NEMP2: variants seen among roughly 807,000 people sequenced by gnomAD.
NEMP2 encodes nuclear envelope integral membrane protein 2, also known as UPF0571 transmembrane protein.
A neutral mutation model predicts 54.2 loss-of-function variants in NEMP2; 53 were observed. That is an observed-to-expected ratio of 0.98 (90% CI 0.78 to 1.23). The LOEUF (loss-of-function observed/expected upper bound fraction) is 1.23, where lower values mean the gene tolerates loss of function less well. Ranked by LOEUF, NEMP2 falls within the 50% of genes most tolerant of loss-of-function variation. The probability of loss-of-function intolerance (pLI) is 0.00; values close to 1 mark genes in which losing one functional copy is unlikely to be tolerated. For missense variants in NEMP2, 455 were observed against 511.3 expected, an observed-to-expected ratio of 0.89 and a Z score of 1.06; for synonymous variants, 197 against 190.3, an observed-to-expected ratio of 1.04 and a Z score of -0.29.
the NEMP2 span, among the ~76,000 whole-genome samples, chr2:190,493,952 G>A: frequency 6.6e-6 from 1 of 151,710 alleles, no homozygotes; most frequent in Non-Finnish European, 1.5e-5. Flanking sequence ...ACACCTCAAG[G>A]AACTAGAGAA....
At chr2:190,468,613 T>A in the NEMP2 span, among the ~76,000 whole-genome samples, 1 of 127,568 alleles carries the variant, frequency 7.8e-6, no homozygotes, top group Non-Finnish European at 1.6e-5. Context: ...CCACCAAGCC[T>A]GGCTAATTTT....
chr2:190,534,243 G>C, intron 1 of NEMP2: 1 of 1,104,882 alleles, frequency 9.1e-7, no homozygotes, highest in African/African-American at 1.6e-5. Context: ...GACAAGCTGT[G>C]TGACCCTGGG....
chr2:190,534,856 G>GGGCCCAGGCC, upstream of NEMP2: 1 of 398,448 alleles, frequency 2.5e-6, no homozygotes, highest in Non-Finnish European at 4.3e-6. Context: ...GGGGCACGGC[G>GGGCCCAGGCC]GGCCCAGGCC....
chr2:190,468,996 G>T, the NEMP2 span, among the ~76,000 whole-genome samples: 1 of 152,092 alleles, frequency 6.6e-6, no homozygotes, highest in African/African-American at 2.4e-5. Context: ...AGTTCAGAAC[G>T]AGAGACTGAA....
the NEMP2 span, among the ~76,000 whole-genome samples, chr2:190,570,458 C>T: frequency 7.2e-5 from 11 of 152,194 alleles, no homozygotes; most frequent in African/African-American, 2.7e-4. This position sits in a 1 kb window ranked among gnomAD's most constrained non-coding sequence, Gnocchi z 5.4. Context: ...ATGGTGGCCT[C>T]GTTGTCTTCA....
At chr2:190,434,639 G>A in the NEMP2 span, among the ~76,000 whole-genome samples, 1 of 152,068 alleles carries the variant, frequency 6.6e-6, no homozygotes, top group Non-Finnish European at 1.5e-5. This position sits in a 1 kb window ranked among gnomAD's most constrained non-coding sequence, Gnocchi z 4.3. Flanking sequence ...TCACCATGTT[G>A]GCCAGGATGG....
At chr2:190,588,954 T>G in the NEMP2 span, among the ~76,000 whole-genome samples, 1 of 152,180 alleles carries the variant, frequency 6.6e-6, no homozygotes, top group African/African-American at 2.4e-5. This position sits in a 1 kb window ranked among gnomAD's most constrained non-coding sequence, Gnocchi z 5.0. Context: ...TGATCCCTAC[T>G]ACCAAGTATT....
At chr2:190,638,974 A>C in the NEMP2 span, among the ~76,000 whole-genome samples, 3 of 152,140 alleles carry the variant, frequency 2.0e-5, no homozygotes, top group Non-Finnish European at 2.9e-5. This position sits in a 1 kb window ranked among gnomAD's most constrained non-coding sequence, Gnocchi z 5.7. Context: ...CTGGGTGTGA[A>C]AGCCCAGTGA....
chr2:190,548,672 G>C, the NEMP2 span, among the ~76,000 whole-genome samples: 1 of 152,114 alleles, frequency 6.6e-6, no homozygotes, highest in East Asian at 1.9e-4. Context: ...TTGTGATAGC[G>C]ATCTTTTATG....
the NEMP2 span, among the ~76,000 whole-genome samples, chr2:190,486,894 G>A: frequency 6.6e-6 from 1 of 152,156 alleles, no homozygotes; most frequent in Admixed American, 6.5e-5. Flanking sequence ...CTTAATGAAG[G>A]TTTTAATTCA....
chr2:190,456,169 G>T, the NEMP2 span, among the ~76,000 whole-genome samples: 1 of 151,892 alleles, frequency 6.6e-6, no homozygotes, highest in Non-Finnish European at 1.5e-5. This position sits in a 1 kb window ranked among gnomAD's most constrained non-coding sequence, Gnocchi z 5.4. Context: ...TCAAACTCCT[G>T]ACCTCAGGTG....
At chr2:190,493,517 C>T in the NEMP2 span, among the ~76,000 whole-genome samples, 3 of 152,250 alleles carry the variant, frequency 2.0e-5, no homozygotes, top group Admixed American at 2.0e-4. Flanking sequence ...AAACTATACC[C>T]TGGAACAAAT....
chr2:190,534,328 T>A, intron 1 of NEMP2: 1 of 1,192,694 alleles, frequency 8.4e-7, no homozygotes, highest in South Asian at 4.2e-5. Flanking sequence ...CGCGGTTGCT[T>A]CTAATTCTAA....
At chr2:190,479,858 TG>T in the NEMP2 span, among the ~76,000 whole-genome samples, 4 of 152,312 alleles carry the variant, frequency 2.6e-5, no homozygotes, top group African/African-American at 9.6e-5. Flanking sequence ...TGATGAAAGA[TG>T]TTTTTTTTAA....
the NEMP2 span, among the ~76,000 whole-genome samples, chr2:190,648,712 T>G: frequency 5.3e-5 from 8 of 150,310 alleles, no homozygotes; most frequent in Non-Finnish European, 8.9e-5. Flanking sequence ...TGTCGTCCCC[T>G]CCCCGCGCCC....
At chr2:190,517,108 A>T (rs1309814913) in intron 5 of NEMP2, among the ~76,000 whole-genome samples, 9 of 151,552 alleles carry the variant, frequency 5.9e-5, no homozygotes, top group Non-Finnish European at 1.2e-4. Context: ...AAAAAAAAAA[A>T]AAAGAAGGTG....
chr2:190,622,393 C>G, the NEMP2 span, among the ~76,000 whole-genome samples: 3 of 147,816 alleles, frequency 2.0e-5, no homozygotes, highest in African/African-American at 7.5e-5. Context: ...GGGTGACAGA[C>G]AAAAACCAAG....
Position 190,534,705 on chromosome 2 carries a change from G to A in NEMP2, c.-50C>T. Reference sequence around the variant, plus strand: ...ACCCGAGCCCTAGGGGACCGGCTCCGCTGCGAGGAGCGGAAGTGGCGCGGG... The same window carrying A: ...ACCCGAGCCCTAGGGGACCGGCTCCACTGCGAGGAGCGGAAGTGGCGCGGG... On this transcript the variant is annotated 5_prime_UTR_variant, in exon 1 of 9. Transcript: ENST00000409150. 9.9e-6 allele frequency: 12 copies of A among 1,217,044 alleles called. No homozygotes were observed. Among genetic ancestry groups the A allele is most frequent in the African/African-American group, 3.1e-5 (2 of 63,830 alleles). The allele number at this position is 1,217,044 out of a possible 1,614,324, so 75.4% of individuals were successfully genotyped here.
chr2:190,553,018 C>T, the NEMP2 span, among the ~76,000 whole-genome samples: 5,943 of 150,600 alleles, frequency 0.039, 200 homozygotes, highest in Non-Finnish European at 0.055. Flanking sequence ...CAAAGCAGTT[C>T]GTAAGCAGAA....
Sources: allele counts gnomAD v4.1 joint callset (sites outside exome capture counted in the v4.1 genomes callset), GRCh38; gene constraint gnomAD v4.1.1; non-coding constraint Gnocchi (gnomAD v3.1); transcripts MANE v1.5; gene names NCBI Gene and HGNC (gene_info 2026-07-23, HGNC 2026-07-21).